MYT1L: variants seen among roughly 807,000 people sequenced by gnomAD.
The protein encoded by MYT1L is myelin transcription factor 1-like protein.
Under a neutral mutation model 126.7 loss-of-function variants are expected in MYT1L, and 12 were observed. The observed-to-expected ratio is 0.09, with a 90% confidence interval of 0.06 to 0.15. The LOEUF (loss-of-function observed/expected upper bound fraction) is 0.15, where lower values mean the gene tolerates loss of function less well. MYT1L is among the 10% of genes least tolerant of loss of function. MYT1L has a pLI of 1.00. For synonymous variants in MYT1L, 541 were observed against 604.2 expected, an observed-to-expected ratio of 0.90 and a Z score of 1.53; for missense variants, 979 against 1,585.2, an observed-to-expected ratio of 0.62 and a Z score of 6.49.
chr2:1,848,190 T>G lies in MYT1L; in HGVS notation c.2774+3451A>C, dbSNP rs1189689247. Among the ~76,000 whole-genome samples, 2 of 152,226 alleles carry G rather than the reference T, an allele frequency of 1.3e-5. No homozygotes were observed. The highest frequency in any genetic ancestry group is 1.3e-4 in the Admixed American group (2 of 15,286). ...AGGCTGGGGCTTGGCCTCAGTTTTC[T>G]CTCAGATGGGAGCTGGGAATGCTCT... On this transcript the variant is annotated intron_variant, in intron 19 of 24. Transcript: ENST00000647738. This position sits in a 1 kb window ranked among gnomAD's most constrained non-coding sequence, Gnocchi z 4.8.
At chr2:2,212,456 T>C (rs920474820) in intron 2 of MYT1L, among the ~76,000 whole-genome samples, 4 of 152,216 alleles carry the variant, frequency 2.6e-5, no homozygotes, top group Admixed American at 2.6e-4. Context: ...GTTATATATG[T>C]AACACAATAT....
intron 4 of MYT1L, among the ~76,000 whole-genome samples, chr2:2,023,502 T>C (rs2065231992): frequency 6.6e-6 from 1 of 152,070 alleles, no homozygotes; most frequent in Admixed American, 6.5e-5. Flanking sequence ...CACCAACAGA[T>C]TGGGTAGTGC....
intron 3 of MYT1L, among the ~76,000 whole-genome samples, chr2:2,143,579 T>C (rs1177449558): frequency 6.6e-6 from 1 of 152,086 alleles, no homozygotes; most frequent in African/African-American, 2.4e-5. Flanking sequence ...ATTCTTCTCC[T>C]GATGTCTGTG....
rs1232205377 is a variant in MYT1L at position 2,331,026 on chromosome 2, G to A, written c.-580C>T. 1 of 152,036 alleles carries A rather than the reference G, an allele frequency of 6.6e-6. No individual in the cohort carries two copies. The allele number at this position is 152,036 out of a possible 1,614,324, so 9.4% of individuals were successfully genotyped here. On this transcript the variant is annotated 5_prime_UTR_variant, in exon 1 of 25. The change creates a premature stop within an existing upstream ORF in the 5' untranslated region. Transcript: ENST00000647738. The stretch of plus-strand genomic sequence containing the variant: ...CAAGTTCAATTTTGGTAACTGTGCT[G>A]GCTCAAAATACACAGACAGGGAAGA...
At chr2:2,210,336 A>G (rs1389230413) in intron 2 of MYT1L, among the ~76,000 whole-genome samples, 1 of 152,190 alleles carries the variant, frequency 6.6e-6, no homozygotes, top group Non-Finnish European at 1.5e-5. Flanking sequence ...AATATCCTAG[A>G]GCATTTCCCC....
Position 1,801,444 on chromosome 2 carries a change from C to T in MYT1L, c.3276+252G>A. 2.6e-6 allele frequency: 1 copy of T among 379,798 alleles called. No individual in the cohort carries two copies. Among genetic ancestry groups the T allele is most frequent in the Non-Finnish European group, 4.7e-6 (1 of 214,670 alleles). The allele number at this position is 379,798 out of a possible 1,614,324, so 23.5% of individuals were successfully genotyped here. ...AGGCGATCCTCTGAAAATGCCTATT[C>T]ACAAATGCACTTTATTAAAAAACAC... On this transcript the variant is annotated intron_variant, in intron 23 of 24. Coordinates refer to ENST00000647738, the MANE Select transcript of MYT1L (RefSeq NM_001303052.2). The surrounding 1 kb of genome is among the most constrained non-coding windows in gnomAD (Gnocchi z 4.2).
chr2:2,118,794 C>G (rs533879756), intron 3 of MYT1L, among the ~76,000 whole-genome samples: 3 of 152,258 alleles, frequency 2.0e-5, no homozygotes, highest in Admixed American at 2.0e-4. Context: ...TTCCTCCCTC[C>G]CAGACTAAAC....
chr2:2,085,381 G>T (rs968299655), intron 3 of MYT1L, among the ~76,000 whole-genome samples: 4 of 152,046 alleles, frequency 2.6e-5, no homozygotes, highest in African/African-American at 9.7e-5. Flanking sequence ...GCACGTTCCT[G>T]GGAATTTGCC....
chr2:2,202,815 A>G (rs528661044), intron 2 of MYT1L, among the ~76,000 whole-genome samples: 3 of 152,306 alleles, frequency 2.0e-5, no homozygotes, highest in Admixed American at 6.5e-5. Flanking sequence ...CAGAGACACA[A>G]CAAAAAAAGA....
intron 9 of MYT1L, among the ~76,000 whole-genome samples, chr2:1,932,239 C>T (rs1028394044): frequency 6.6e-6 from 1 of 152,118 alleles, no homozygotes; most frequent in East Asian, 1.9e-4. Context: ...AGATAGGAGG[C>T]ATTTATGAAA....
At chr2:1,897,757 C>T (rs887272396) in intron 14 of MYT1L, among the ~76,000 whole-genome samples, 5 of 152,186 alleles carry the variant, frequency 3.3e-5, no homozygotes, top group East Asian at 3.9e-4. Flanking sequence ...GCCACCACGC[C>T]GGCCCAGAGC....
rs369128996 is a variant in MYT1L at position 1,979,699 on chromosome 2, G to C, written c.55+24C>G. 1.9e-6 allele frequency: 3 copies of C among 1,613,948 alleles called. No individual in the cohort carries two copies. The highest frequency in any genetic ancestry group is 2.5e-6 in the Non-Finnish European group (3 of 1,179,826). ...TGAAGGTGACCCTGAGCCGGCCTCAGGATGCAGGGAAGCGCGGACATACCT... is the reference window on the plus strand; with the variant it reads ...TGAAGGTGACCCTGAGCCGGCCTCACGATGCAGGGAAGCGCGGACATACCT... On this transcript the variant is annotated intron_variant, in intron 6 of 24. Transcript: ENST00000647738. The surrounding 1 kb of genome is among the most constrained non-coding windows in gnomAD (Gnocchi z 4.0).
At chr2:1,948,827 C>T (rs1338026387) in intron 8 of MYT1L, among the ~76,000 whole-genome samples, 2 of 152,194 alleles carry the variant, frequency 1.3e-5, no homozygotes, top group East Asian at 3.8e-4. Flanking sequence ...CATCATTCTG[C>T]AAGACTGAGT....
chr2:1,865,593 C>CT (rs35001242), intron 18 of MYT1L, among the ~76,000 whole-genome samples: 35 of 148,654 alleles, frequency 2.4e-4, no homozygotes, highest in African/African-American at 5.9e-4. Flanking sequence ...TGTTTTTTTT[C>CT]TTTTTTTTTT....
chr2:2,185,905 C>CCGA, intron 2 of MYT1L, among the ~76,000 whole-genome samples: 1 of 125,550 alleles, frequency 8.0e-6, no homozygotes, highest in African/African-American at 3.5e-5. Flanking sequence ...CCGGGCCTTC[C>CCGA]GGGCCTTCCC....
At chr2:1,821,968 C>T (rs1019949257) in intron 21 of MYT1L, among the ~76,000 whole-genome samples, 3 of 152,224 alleles carry the variant, frequency 2.0e-5, no homozygotes, top group African/African-American at 7.2e-5. Context: ...ATCCGGGAGT[C>T]GAACCCCTCT....
intron 5 of MYT1L, among the ~76,000 whole-genome samples, chr2:1,986,868 T>C (rs1272705368): frequency 6.6e-6 from 1 of 152,136 alleles, no homozygotes; most frequent in Non-Finnish European, 1.5e-5. Context: ...GATGTAATGG[T>C]TGCATTTCCA....
intron 3 of MYT1L, among the ~76,000 whole-genome samples, chr2:2,170,913 G>C (rs913802195): frequency 6.6e-6 from 1 of 152,180 alleles, no homozygotes; most frequent in African/African-American, 2.4e-5. Flanking sequence ...ACTGAATGAA[G>C]AGAGTGAGGA....
intron 21 of MYT1L, among the ~76,000 whole-genome samples, chr2:1,826,482 G>C (rs1572601621): frequency 6.6e-6 from 1 of 152,316 alleles, no homozygotes; most frequent in East Asian, 1.9e-4. Flanking sequence ...GTTTCAGGCA[G>C]AGGAGGTTGA....
Sources: allele counts gnomAD v4.1 joint callset (sites outside exome capture counted in the v4.1 genomes callset), GRCh38; gene constraint gnomAD v4.1.1; non-coding constraint Gnocchi (gnomAD v3.1); transcripts MANE v1.5; gene names NCBI Gene and HGNC (gene_info 2026-07-23, HGNC 2026-07-21).